ROBO2: variants seen among roughly 807,000 people sequenced by gnomAD.
ROBO2 encodes the protein roundabout homolog 2.
In ROBO2, 53 loss-of-function variants were observed where a neutral mutation model predicts 160.8. The ratio of observed to expected loss-of-function variants is 0.33; its 90% confidence interval spans 0.26 to 0.41. The LOEUF (loss-of-function observed/expected upper bound fraction) is 0.41, where lower values mean the gene tolerates loss of function less well. ROBO2 is among the 10% of genes least tolerant of loss of function. The probability of loss-of-function intolerance (pLI) is 1.00; values close to 1 mark genes in which losing one functional copy is unlikely to be tolerated. For synonymous variants in ROBO2, 664 were observed against 611.7 expected, an observed-to-expected ratio of 1.09 and a Z score of -1.26; for missense variants, 1,577 against 1,722.4, an observed-to-expected ratio of 0.92 and a Z score of 1.49.
At chr3:76,625,879 T>C (rs566373954) in intron 2 of ROBO2, among the ~76,000 whole-genome samples, 18 of 152,236 alleles carry the variant, frequency 1.2e-4, no homozygotes, top group East Asian at 9.7e-4. Context: ...GATTTTTTTT[T>C]CGAAGGATTC....
chr3:76,159,527 TA>T (rs2072538838), intron 2 of ROBO2, among the ~76,000 whole-genome samples: 1 of 152,180 alleles, frequency 6.6e-6, no homozygotes. Flanking sequence ...AGAGTTTTAT[TA>T]AAAGACTTGT....
At chr3:77,573,969 T>C (rs959177725) in intron 13 of ROBO2, among the ~76,000 whole-genome samples, 6 of 152,016 alleles carry the variant, frequency 3.9e-5, no homozygotes, top group Non-Finnish European at 7.4e-5. Flanking sequence ...CTATTTTCAT[T>C]GTCCATTTTA....
chr3:76,422,410 T>C (rs2076032984), intron 2 of ROBO2, among the ~76,000 whole-genome samples: 1 of 152,170 alleles, frequency 6.6e-6, no homozygotes, highest in African/African-American at 2.4e-5. Flanking sequence ...AATTTAACTA[T>C]TTCTACTTGA....
At chr3:76,036,421 A>G (rs1163620388) in intron 2 of ROBO2, among the ~76,000 whole-genome samples, 1 of 151,830 alleles carries the variant, frequency 6.6e-6, no homozygotes, top group African/African-American at 2.4e-5. Context: ...AAGTGCTGGG[A>G]TTACAGGCGT....
intron 4 of ROBO2, 76 bp from the exon 5 acceptor site, chr3:77,493,168 T>A (rs1228975292): frequency 3.9e-6 from 6 of 1,528,024 alleles, no homozygotes; most frequent in Non-Finnish European, 4.5e-6. Flanking sequence ...AGGTTTCCTT[T>A]GCTTTTTTCA....
intron 2 of ROBO2, among the ~76,000 whole-genome samples, chr3:77,381,140 C>A (rs1390944717): frequency 1.3e-5 from 2 of 152,118 alleles, no homozygotes; most frequent in Non-Finnish European, 2.9e-5. Flanking sequence ...ACGGTGAAAC[C>A]CCGTCTCTAC....
chr3:76,713,581 A>G (rs943844232), intron 2 of ROBO2, among the ~76,000 whole-genome samples: 1 of 152,184 alleles, frequency 6.6e-6, no homozygotes, highest in Non-Finnish European at 1.5e-5. Flanking sequence ...ACTTTTGACT[A>G]ACTAGCTCTC....
intron 2 of ROBO2, among the ~76,000 whole-genome samples, chr3:76,769,037 C>G (rs969466113): frequency 6.6e-6 from 1 of 151,274 alleles, no homozygotes; most frequent in Admixed American, 6.6e-5. Flanking sequence ...AGATTAGAAG[C>G]ACATAATAGA....
intron 2 of ROBO2, among the ~76,000 whole-genome samples, chr3:76,459,519 A>G (rs2077970230): frequency 6.6e-6 from 1 of 152,180 alleles, no homozygotes; most frequent in Non-Finnish European, 1.5e-5. Flanking sequence ...TAGGCATTAT[A>G]GTAACTACTA....
At chr3:76,578,374 G>C (rs1374096933) in intron 2 of ROBO2, among the ~76,000 whole-genome samples, 1 of 151,948 alleles carries the variant, frequency 6.6e-6, no homozygotes, top group Admixed American at 6.6e-5. Flanking sequence ...TCTCAGTCGA[G>C]CTTCCCAATA....
At chr3:76,675,115 G>T (rs2092374735) in intron 2 of ROBO2, among the ~76,000 whole-genome samples, 1 of 152,164 alleles carries the variant, frequency 6.6e-6, no homozygotes, top group African/African-American at 2.4e-5. Context: ...CACAGCATTG[G>T]CTGTCTTTAG....
At chr3:75,960,986 G>A (rs888458240) in intron 2 of ROBO2, among the ~76,000 whole-genome samples, 9 of 151,592 alleles carry the variant, frequency 5.9e-5, no homozygotes, top group African/African-American at 1.9e-4. Context: ...TGGAGACATA[G>A]TAGACAAGAT....
intron 2 of ROBO2, among the ~76,000 whole-genome samples, chr3:76,262,816 C>G (rs778029310): frequency 9.9e-5 from 15 of 152,194 alleles, no homozygotes; most frequent in Non-Finnish European, 1.9e-4. Flanking sequence ...ATAATCAGGA[C>G]TTTGGGCTAA....
intron 2 of ROBO2, among the ~76,000 whole-genome samples, chr3:77,199,262 C>G (rs1295093140): frequency 6.6e-6 from 1 of 152,110 alleles, no homozygotes; most frequent in Non-Finnish European, 1.5e-5. Flanking sequence ...TTTGCCATAC[C>G]TTGGAGTTTT....
chr3:77,038,934 G>A (rs1329206000), upstream of ROBO2, among the ~76,000 whole-genome samples: 1 of 152,188 alleles, frequency 6.6e-6, no homozygotes, highest in Non-Finnish European at 1.5e-5. Flanking sequence ...TGGAGGTGCT[G>A]GTCCCTGGAG....
At chr3:76,184,895 C>G (rs1196160036) in intron 2 of ROBO2, among the ~76,000 whole-genome samples, 1 of 151,646 alleles carries the variant, frequency 6.6e-6, no homozygotes, top group Non-Finnish European at 1.5e-5. Context: ...GCCTTTTTTT[C>G]TGTTTTTGTT....
chr3:77,304,555 G>A (rs2062935195), intron 2 of ROBO2, among the ~76,000 whole-genome samples: 1 of 152,108 alleles, frequency 6.6e-6, no homozygotes, highest in Non-Finnish European at 1.5e-5. Context: ...ACTTACAAAT[G>A]TCAAACATGA....
chr3:76,927,798 T>C (rs11916896), intron 2 of ROBO2, among the ~76,000 whole-genome samples: 35,172 of 152,056 alleles, frequency 0.23, 4,327 homozygotes, highest in South Asian at 0.3. Flanking sequence ...AGTGAGTGCA[T>C]GGTCATTCAG....
exon 1 of ROBO2, chr3:77,040,413 C>A: frequency 9.6e-7 from 1 of 1,038,346 alleles, no homozygotes. Context: ...AGGTCTTTTC[C>A]TCCCCCTTCA....
Sources: allele counts gnomAD v4.1 joint callset (sites outside exome capture counted in the v4.1 genomes callset), GRCh38; gene constraint gnomAD v4.1.1; transcripts MANE v1.5; gene names NCBI Gene and HGNC (gene_info 2026-07-23, HGNC 2026-07-21).